PDSS1: variants seen among roughly 807,000 people sequenced by gnomAD.
The protein encoded by PDSS1 is all trans-polyprenyl-diphosphate synthase PDSS1.
In PDSS1, 43 loss-of-function variants were observed where a neutral mutation model predicts 57.5. The observed-to-expected ratio is 0.75, with a 90% confidence interval of 0.59 to 0.96. The LOEUF is 0.96. PDSS1 is among the 50% of genes least tolerant of loss of function. The pLI is 0.00. For synonymous variants in PDSS1, 175 were observed against 191.3 expected (o/e 0.91, Z 0.70); for missense variants, 438 against 527.8 (o/e 0.83, Z 1.67).
chr10:26,741,635 T>C (rs1836613479), intron 10 of PDSS1, among the ~76,000 whole-genome samples: 1 of 152,202 alleles, frequency 6.6e-6, no homozygotes, highest in Non-Finnish European at 1.5e-5. Flanking sequence ...GAAACCTCAG[T>C]AGCTTTCAGT....
chr10:26,709,874 T>G, intron 5 of PDSS1, 106 bp downstream of exon 5: 1 of 1,213,032 alleles, frequency 8.2e-7, no homozygotes. Context: ...ATATACCGGC[T>G]GGGCATGGTG....
chr10:26,721,298 CAAA>C (rs60684682), intron 6 of PDSS1, among the ~76,000 whole-genome samples: 3 of 131,562 alleles, frequency 2.3e-5, no homozygotes, highest in Non-Finnish European at 3.2e-5. Flanking sequence ...GACTCCATTT[CAAA>C]AAAAAAAAAA....
At chr10:26,729,138 C>T (rs916581068) in intron 8 of PDSS1, among the ~76,000 whole-genome samples, 12 of 152,094 alleles carry the variant, frequency 7.9e-5, no homozygotes, top group Non-Finnish European at 1.5e-4. Context: ...AATTATCCAA[C>T]GTATGGCCAG....
chr10:26,704,006 T>TG (rs1016695551), intron 2 of PDSS1, among the ~76,000 whole-genome samples: 7 of 147,692 alleles, frequency 4.7e-5, no homozygotes, highest in African/African-American at 1.3e-4. Context: ...GCGTGAACCC[T>TG]GGGGGGCGGA....
At chr10:26,745,897 G>GGAA (rs1167271425) in intron 11 of PDSS1, among the ~76,000 whole-genome samples, 1 of 151,700 alleles carries the variant, frequency 6.6e-6, no homozygotes, top group Non-Finnish European at 1.5e-5. Context: ...GAGTGCCTTT[G>GGAA]GAAGAAAGGA....
In PDSS1 at chr10:26,698,091, GT is replaced by G. The variant is rs111534455; in HGVS notation, c.129+255del. ...GCGGTGTCCTGGGGACCCCGGGAGC[GT>G]TTTGGGGGGTGGAGAAAGCGGTGGG... On this transcript the variant is annotated intron_variant, in intron 1 of 11. Coordinates refer to ENST00000376215, the MANE Select transcript of PDSS1 (RefSeq NM_014317.5). Among the ~76,000 whole-genome samples, 3,767 of 151,940 alleles carry G rather than the reference GT, an allele frequency of 0.025. 131 individuals are homozygous for G. The highest frequency in any genetic ancestry group is 0.14 in the South Asian group (666 of 4,774).
rs767499454 is a variant in PDSS1 at position 26,723,857 on chromosome 10, C to T, written c.661C>T (p.Arg221Ter). ...ILSAASIALA[R>*]IGNTTVISIL... ...TTCTGCAGCATCTATAGCTCTGGCA[C>T]GAATTGGAAATACAACTGTTATATC... The change falls in exon 7 of 12, where the codon CGA becomes TGA. Residue 221 changes from arginine to a stop codon, truncating the protein, a stop_gained. Transcript: ENST00000376215. LOFTEE classifies it high-confidence loss of function. 8.7e-6 allele frequency: 14 copies of T among 1,613,390 alleles called. No individual in the cohort carries two copies. Among genetic ancestry groups the T allele is most frequent in the Admixed American group, 1.7e-5 (1 of 59,998 alleles).
At chr10:26,707,922 C>T (rs1835294089) in intron 4 of PDSS1, among the ~76,000 whole-genome samples, 1 of 152,204 alleles carries the variant, frequency 6.6e-6, no homozygotes, top group South Asian at 2.1e-4. Context: ...TCTCCTTCCC[C>T]TCTATGTCCT....
At chr10:26,735,370 C>A in intron 9 of PDSS1, 50 bp downstream of exon 9, 1 of 1,405,106 alleles carries the variant, frequency 7.1e-7, no homozygotes, top group African/African-American at 1.4e-5. Flanking sequence ...ATACAGTCAG[C>A]ATTCTCCCCT....
At chr10:26,733,369 A>C (rs1836281748) in intron 8 of PDSS1, among the ~76,000 whole-genome samples, 1 of 152,120 alleles carries the variant, frequency 6.6e-6, no homozygotes, top group African/African-American at 2.4e-5. Flanking sequence ...CAGACTCTTC[A>C]GTTGAAAAAA....
chr10:26,734,667 A>G (rs1332570115), intron 8 of PDSS1: 1 of 456,190 alleles, frequency 2.2e-6, no homozygotes, highest in East Asian at 6.9e-5. Context: ...TGTCTGAAGC[A>G]GGAGGCTTGA....
chr10:26,723,803 T>A lies in PDSS1; in HGVS notation c.610-3T>A. 1 of 1,599,120 alleles carries A rather than the reference T, an allele frequency of 6.3e-7. No homozygotes were observed. ...GTTCTGTTTTCCCCCTGTCTTTTTC[T>A]AGGCTGTTCTTGCTGGAGATTTAAT... On this transcript the variant is annotated splice_region_variant and splice_polypyrimidine_tract_variant and intron_variant, in intron 6 of 11. Transcript: ENST00000376215.
At position 26,730,216 on chromosome 10, in the gene PDSS1, T is replaced by C. The variant is rs1564431331; in HGVS notation, c.832-5024T>C. 2.0e-5 allele frequency among the ~76,000 whole-genome samples: 3 copies of C among 152,122 alleles called. No individual in the cohort carries two copies. The East Asian group carries it at 5.8e-4, about 30-fold the overall frequency. On this transcript the variant is annotated intron_variant, in intron 8 of 11. Coordinates refer to ENST00000376215, the MANE Select transcript of PDSS1 (RefSeq NM_014317.5). ...TGTGAGCCACCGCGCCCAGCCTAGTTGGATTCATTTTTATTCCACTTTAGG... is the reference window on the plus strand; with the variant it reads ...TGTGAGCCACCGCGCCCAGCCTAGTCGGATTCATTTTTATTCCACTTTAGG...
intron 8 of PDSS1, among the ~76,000 whole-genome samples, chr10:26,731,504 A>G (rs1396510584): frequency 6.6e-6 from 1 of 152,178 alleles, no homozygotes; most frequent in African/African-American, 2.4e-5. Flanking sequence ...GATCGTGCAT[A>G]AACCTATTTT....
chr10:26,705,002 G>C (rs1033692557), intron 3 of PDSS1, among the ~76,000 whole-genome samples: 8 of 150,460 alleles, frequency 5.3e-5, no homozygotes, highest in Admixed American at 1.3e-4. Flanking sequence ...CAAAAAACAG[G>C]AATATAATAA....
rs921561055 is a variant in PDSS1 at position 26,712,996 on chromosome 10, T to C, written c.467+3228T>C. The stretch of plus-strand genomic sequence containing the variant: ...TTTTTTTTGCTTCTGAGGTATGTAT[T>C]AAATTGGGGATTTTTGCTGGGCACA... On this transcript the variant is annotated intron_variant, in intron 5 of 11. Transcript: ENST00000376215. 1.0e-4 allele frequency among the ~76,000 whole-genome samples: 10 copies of C among 95,906 alleles called. 5 individuals are homozygous for C. The highest frequency in any genetic ancestry group is 2.5e-4 in the Admixed American group (2 of 7,934). 62.9% of individuals were successfully genotyped at this position (95,906 alleles called of 152,430 possible). A position where few individuals can be genotyped will look rare whatever the true frequency, so the allele number is the denominator to read the frequency against.
At chr10:26,734,506 C>G (rs146502641) in intron 8 of PDSS1, 176 of 359,970 alleles carry the variant, frequency 4.9e-4, no homozygotes, top group African/African-American at 3.7e-3. Flanking sequence ...TGCCAGCTAG[C>G]TTTTTGGAGT....
intron 11 of PDSS1, among the ~76,000 whole-genome samples, chr10:26,745,502 C>A (rs1436347119): frequency 2.0e-5 from 3 of 152,074 alleles, no homozygotes; most frequent in Admixed American, 6.6e-5. Context: ...GTGGGCTAAA[C>A]CCTCATCTTA....
intron 8 of PDSS1, among the ~76,000 whole-genome samples, chr10:26,726,382 A>G (rs1368985647): frequency 6.6e-6 from 1 of 152,256 alleles, no homozygotes; most frequent in African/African-American, 2.4e-5. Flanking sequence ...AAGCAAAATG[A>G]TAGTGTGAGC....
Sources: allele counts gnomAD v4.1 joint callset (sites outside exome capture counted in the v4.1 genomes callset), GRCh38; gene constraint gnomAD v4.1.1; transcripts MANE v1.5; gene names NCBI Gene and HGNC (gene_info 2026-07-23, HGNC 2026-07-21).